Variants in SPG11 observed in about 807,000 individuals in gnomAD.
SPG11 encodes the protein spatacsin.
In SPG11, 222 loss-of-function variants were observed where a neutral mutation model predicts 274.0. That is an observed-to-expected ratio of 0.81 (90% CI 0.73 to 0.91). The LOEUF (loss-of-function observed/expected upper bound fraction) is 0.91, where lower values mean the gene tolerates loss of function less well. SPG11 is among the 40% of genes least tolerant of loss of function. The probability of loss-of-function intolerance (pLI) is 0.00; values close to 1 mark genes in which losing one functional copy is unlikely to be tolerated. For missense variants in SPG11, 3,114 were observed against 2,872.7 expected (o/e 1.08, Z -1.92); for synonymous variants, 1,144 against 1,039.7 (o/e 1.10, Z -1.93).
intron 20 of SPG11, among the ~76,000 whole-genome samples, chr15:44,604,986 T>C (rs995162064): frequency 2.0e-5 from 3 of 149,314 alleles, no homozygotes; most frequent in African/African-American, 7.5e-5. Context: ...AACAGTTTCA[T>C]TTACTTTGTG....
In SPG11 at chr15:44,563,318, A is replaced by C. The variant is rs2082234518; in HGVS notation, c.7152-17T>G. 1.2e-6 allele frequency: 2 copies of C among 1,605,844 alleles called. No individual in the cohort carries two copies. Among genetic ancestry groups the C allele is most frequent in the Non-Finnish European group, 1.7e-6 (2 of 1,173,330 alleles). On this transcript the variant is annotated splice_polypyrimidine_tract_variant and intron_variant, in intron 39 of 39. Coordinates refer to ENST00000261866, the MANE Select transcript of SPG11 (RefSeq NM_025137.4). Reference sequence around the variant, plus strand: ...TGTTTATATCTAGATAAAGAAACATAATGTACAGGTTAAGATACTGTTTTT... The same window carrying C: ...TGTTTATATCTAGATAAAGAAACATCATGTACAGGTTAAGATACTGTTTTT...
In SPG11 at chr15:44,563,311, G is replaced by A. The variant is rs201181492; in HGVS notation, c.7152-10C>T. 7.5e-6 allele frequency: 12 copies of A among 1,608,220 alleles called. No individual in the cohort carries two copies. In the East Asian group the frequency reaches 2.2e-4, roughly 30 times the overall value. On this transcript the variant is annotated splice_polypyrimidine_tract_variant and intron_variant, in intron 39 of 39. Transcript: ENST00000261866. ...CTGATGTTGTTTATATCTAGATAAA[G>A]AAACATAATGTACAGGTTAAGATAC...
chr15:44,595,142 A>G, intron 26 of SPG11, 117 bp downstream of exon 26: 6 of 1,005,204 alleles, frequency 6.0e-6, no homozygotes, highest in South Asian at 5.5e-5. Context: ...TAATATTATC[A>G]TCATTATCTG....
chr15:44,648,847 G>C lies in SPG11; in HGVS notation c.1602+19C>G. On this transcript the variant is annotated intron_variant, in intron 7 of 39. Transcript: ENST00000261866. ...CACAAAATAATTAAGTAATGTTCTT[G>C]GGCATTTAATTCTGTTACCTCTAGT... is the stretch of plus-strand genomic sequence containing the variant. The C allele has an allele frequency of 1.2e-6, 2 of 1,611,780 alleles. No homozygotes were observed. The highest frequency in any genetic ancestry group is 2.2e-5 in the South Asian group (2 of 91,024).
intron 20 of SPG11, 143 bp downstream of exon 20, chr15:44,605,882 T>A: frequency 1.4e-6 from 1 of 730,594 alleles, no homozygotes; most frequent in Non-Finnish European, 2.4e-6. Flanking sequence ...TTCAATTCTG[T>A]CTTTGCGAAC....
intron 27 of SPG11, among the ~76,000 whole-genome samples, chr15:44,591,349 A>T (rs79775905): frequency 0.012 from 1,782 of 152,248 alleles, 30 homozygotes; most frequent in East Asian, 0.038. Context: ...ATTCTTTTTT[A>T]AAAAATATTT....
intron 33 of SPG11, among the ~76,000 whole-genome samples, chr15:44,571,496 CTTTTTTT>C (rs796235342): frequency 2.4e-5 from 3 of 126,132 alleles, no homozygotes; most frequent in South Asian, 2.6e-4. Context: ...AATTTCTTTT[CTTTTTTT>C]TTTTTTTTTT....
rs114540704 is a variant in SPG11 at position 44,582,653 on chromosome 15, A to G, written c.5866+1161T>C. Among the ~76,000 whole-genome samples, 365 of 152,334 alleles carry G rather than the reference A, an allele frequency of 2.4e-3. 2 individuals are homozygous for G. Among genetic ancestry groups the G allele is most frequent in the African/African-American group, 8.3e-3 (346 of 41,572 alleles). ...GCAAATTGATTCCAGCAAAAAATCA[A>G]AAAGAATAACGCACCAGGCCCAAAT... On this transcript the variant is annotated intron_variant, in intron 30 of 39. Coordinates refer to ENST00000261866, the MANE Select transcript of SPG11 (RefSeq NM_025137.4).
intron 28 of SPG11, chr15:44,588,507 A>G: frequency 6.0e-6 from 1 of 167,788 alleles, no homozygotes; most frequent in Non-Finnish European, 1.3e-5. Flanking sequence ...TTATATAAGA[A>G]TAATTATATA....
At chr15:44,610,195 A>G (rs1439977660) in intron 18 of SPG11, among the ~76,000 whole-genome samples, 4 of 150,592 alleles carry the variant, frequency 2.7e-5, no homozygotes, top group African/African-American at 9.7e-5. Context: ...GAGCCACCGC[A>G]CTCGGTCATG....
intron 28 of SPG11, chr15:44,588,549 T>C (rs755272294): frequency 7.9e-6 from 2 of 252,834 alleles, no homozygotes; most frequent in Non-Finnish European, 1.6e-5. Context: ...AAGATAGTTA[T>C]AGGAAATAAA....
At chr15:44,661,131 T>C (rs2085093402) in intron 1 of SPG11, among the ~76,000 whole-genome samples, 1 of 152,174 alleles carries the variant, frequency 6.6e-6, no homozygotes, top group Admixed American at 6.5e-5. Context: ...CATTGCCCAA[T>C]ACAGTAGTCA....
At chr15:44,619,271 A>G (rs2083673995) in intron 15 of SPG11, among the ~76,000 whole-genome samples, 1 of 152,214 alleles carries the variant, frequency 6.6e-6, no homozygotes, top group African/African-American at 2.4e-5. Flanking sequence ...ACATAAAAAT[A>G]TGTTTAAGAA....
chr15:44,578,025 T>C (rs1020660809), intron 30 of SPG11, among the ~76,000 whole-genome samples: 32 of 141,626 alleles, frequency 2.3e-4, no homozygotes, highest in African/African-American at 7.7e-4. Flanking sequence ...TTTCCTTTTT[T>C]TTTTTTTTTT....
At position 44,567,522 on chromosome 15, in the gene SPG11, T is replaced by A. The variant is rs771149453; in HGVS notation, c.6656A>T (p.Asn2219Ile). The stretch of plus-strand genomic sequence containing the variant: ...CATGCTGAAGCACAGGGCAATCATA[T>A]TGTGCTTTTCACTGTCTCCAGGACG... Reference protein sequence around the residue: ...RCRPGDSEKHNMIALCFSMCR... With the variant: ...RCRPGDSEKHIMIALCFSMCR... The change falls in exon 36 of 40, where the codon AAT (asparagine) becomes ATT (isoleucine). Residue 2219 changes from asparagine (N) to isoleucine (I), a missense_variant. Physicochemically the swap from Asn to Ile is moderately radical, Grantham distance 149. Transcript: ENST00000261866. 6.2e-6 allele frequency: 10 copies of A among 1,614,026 alleles called. No homozygotes were observed. The highest frequency in any genetic ancestry group is 7.6e-6 in the Non-Finnish European group (9 of 1,179,980).
chr15:44,662,512 A>G (rs1356026448), intron 1 of SPG11, among the ~76,000 whole-genome samples: 1 of 151,996 alleles, frequency 6.6e-6, no homozygotes, highest in Non-Finnish European at 1.5e-5. Context: ...TACAAAAACT[A>G]GAAAAATTAG....
intron 4 of SPG11, among the ~76,000 whole-genome samples, chr15:44,652,715 C>T (rs188510682): frequency 0.014 from 2,162 of 150,008 alleles, 17 homozygotes; most frequent in Non-Finnish European, 0.023. Context: ...AGTGCAGTGG[C>T]GCAATCTCAG....
At chr15:44,601,556 TC>T (rs1318273912) in intron 20 of SPG11, among the ~76,000 whole-genome samples, 3 of 135,472 alleles carry the variant, frequency 2.2e-5, no homozygotes, top group African/African-American at 3.3e-5. Context: ...CCCAGCCTCT[TC>T]TTTTTTTTTT....
intron 38 of SPG11, among the ~76,000 whole-genome samples, chr15:44,565,303 C>T (rs1232762325): frequency 6.6e-6 from 1 of 152,190 alleles, no homozygotes; most frequent in African/African-American, 2.4e-5. Flanking sequence ...ACCTTTTTGG[C>T]ATCAGTGACA....
Sources: allele counts gnomAD v4.1 joint callset (sites outside exome capture counted in the v4.1 genomes callset), GRCh38; gene constraint gnomAD v4.1.1; transcripts MANE v1.5; gene names NCBI Gene and HGNC (gene_info 2026-07-23, HGNC 2026-07-21).